TCTN2: variants seen among roughly 807,000 people sequenced by gnomAD.
TCTN2 encodes tectonic family member 2, also known as tectonic-2.
Under a neutral mutation model 83.4 loss-of-function variants are expected in TCTN2, and 66 were observed. That is an observed-to-expected ratio of 0.79 (90% confidence interval 0.65 to 0.97). TCTN2 has a LOEUF of 0.97. Ranked by LOEUF, TCTN2 falls within the 50% of genes least tolerant of loss-of-function variation. The pLI is 0.00. For missense variants in TCTN2, 794 were observed against 858.1 expected (o/e 0.93, Z 0.93); for synonymous variants, 301 against 326.7 (o/e 0.92, Z 0.85).
chr12:123,674,280 T>TC (rs112287181), intron 4 of TCTN2, among the ~76,000 whole-genome samples: 1,939 of 149,672 alleles, frequency 0.013, 40 homozygotes, highest in African/African-American at 0.044. Flanking sequence ...ATTCTCTCTC[T>TC]TTTTTTTTTG....
chr12:123,685,540 T>A (rs1369614800), intron 5 of TCTN2, among the ~76,000 whole-genome samples: 1 of 151,896 alleles, frequency 6.6e-6, no homozygotes, highest in African/African-American at 2.4e-5. Flanking sequence ...TGCCTCAGCC[T>A]CCCAAATAGC....
intron 14 of TCTN2, 142 bp downstream of exon 14, chr12:123,699,952 A>G (rs1233600098): frequency 1.4e-6 from 1 of 720,574 alleles, no homozygotes; most frequent in East Asian, 2.7e-5. Flanking sequence ...CAGGGGTTAG[A>G]TCTCCAGGCA....
chr12:123,704,813 ATG>A (rs1309614464), intron 15 of TCTN2, 125 bp downstream of exon 15: 20 of 989,320 alleles, frequency 2.0e-5, no homozygotes, highest in Non-Finnish European at 3.1e-5. Flanking sequence ...TATTAGCAAG[ATG>A]TTTATATGCA....
Position 123,704,528 on chromosome 12 carries a change from A to G in TCTN2, c.1613-4A>G, listed in dbSNP as rs1205619049. On this transcript the variant is annotated splice_polypyrimidine_tract_variant and splice_region_variant and intron_variant, in intron 14 of 17. Coordinates refer to ENST00000303372, the MANE Select transcript of TCTN2 (RefSeq NM_024809.5). ...GAAAAGTGTATAACTTAACATTTCTATAGGTGTAGATGCCCCTGATCCAGG... is the reference window on the plus strand; with the variant it reads ...GAAAAGTGTATAACTTAACATTTCTGTAGGTGTAGATGCCCCTGATCCAGG... The G allele has an allele frequency of 1.2e-6, 2 of 1,609,092 alleles. No individual in the cohort carries two copies. The highest frequency in any genetic ancestry group is 1.3e-5 in the African/African-American group (1 of 74,880).
Position 123,671,596 on chromosome 12 carries a change from G to C in TCTN2, c.172G>C (p.Val58Leu). The C allele has an allele frequency of 6.2e-7, 1 of 1,613,290 alleles. No homozygotes were observed. The highest frequency in any genetic ancestry group is 8.5e-7 in the Non-Finnish European group (1 of 1,179,986). ...DTEGVTVSLA[V>L]LQDEAGILPI... ...CGAGGGTGTGACCGTGTCCCTGGCA[G>C]TGCTGCAGGACGAGGCGGGTAAAGT... is the stretch of plus-strand genomic sequence containing the variant. Residue 58 changes from valine to leucine, a missense_variant, in exon 2 of 18, where the codon GTG becomes CTG. Val to Leu is a conservative substitution (Grantham distance 32). Transcript: ENST00000303372.
At chr12:123,705,665 A>G (rs1593870005) in intron 15 of TCTN2, among the ~76,000 whole-genome samples, 1 of 152,002 alleles carries the variant, frequency 6.6e-6, no homozygotes, top group South Asian at 2.1e-4. Context: ...TCCTCAAGAG[A>G]TGGCAAAGAT....
In TCTN2 at chr12:123,692,594, A is replaced by G; in HGVS notation, c.1034-64A>G. 2.3e-6 allele frequency: 3 copies of G among 1,308,060 alleles called. No individual in the cohort carries two copies. The Admixed American group carries it at 5.0e-5, about 22-fold the overall frequency. The allele number at this position is 1,308,060 out of a possible 1,614,324, so 81.0% of individuals were successfully genotyped here. On this transcript the variant is annotated intron_variant, in intron 8 of 17. Coordinates refer to ENST00000303372, the MANE Select transcript of TCTN2 (RefSeq NM_024809.5). ...TATTTGCTTTGTAAGCTATACTTTG[A>G]GTAAGTGTGATCATGGTAGGCCATG...
intron 15 of TCTN2, among the ~76,000 whole-genome samples, chr12:123,706,158 C>T (rs766835776): frequency 6.6e-6 from 1 of 152,160 alleles, no homozygotes; most frequent in South Asian, 2.1e-4. Flanking sequence ...ATGGACAGCT[C>T]TTATTGGCTA....
chr12:123,685,972 C>T (rs969449142), intron 5 of TCTN2, among the ~76,000 whole-genome samples: 2 of 151,418 alleles, frequency 1.3e-5, no homozygotes, highest in African/African-American at 4.9e-5. Context: ...CTCAAACATT[C>T]ATTCCACCTC....
In TCTN2 at chr12:123,699,781, A is replaced by T. The variant is rs1956150913; in HGVS notation, c.1583A>T (p.Asp528Val). 2 of 1,614,160 alleles carry T rather than the reference A, an allele frequency of 1.2e-6. No homozygotes were observed. The highest frequency in any genetic ancestry group is 1.7e-6 in the Non-Finnish European group (2 of 1,180,022). Residue 528 changes from aspartate (D) to valine (V), a missense_variant, in exon 14 of 18, where the codon GAT becomes GTT. Coordinates refer to ENST00000303372, the MANE Select transcript of TCTN2 (RefSeq NM_024809.5). ...VAMRGNSDYADLSDGWLEIIR... is the reference protein window; with the variant it reads ...VAMRGNSDYAVLSDGWLEIIR... ...ATGAGAGGCAACTCCGATTACGCTG[A>T]TCTTAGTGATGGCTGGCTCGAAATA...
At chr12:123,701,494 T>C (rs1956171739) in intron 14 of TCTN2, among the ~76,000 whole-genome samples, 1 of 151,912 alleles carries the variant, frequency 6.6e-6, no homozygotes, top group Non-Finnish European at 1.5e-5. Context: ...ATCCCAGCAC[T>C]TTGGGAGGCC....
In TCTN2 at chr12:123,697,141, A is replaced by G. The variant is rs766660963; in HGVS notation, c.1448A>G (p.Asn483Ser). Reference protein sequence around the residue: ...ATFKPILFGENVLSGCLLEVG... With the variant: ...ATFKPILFGESVLSGCLLEVG... The stretch of plus-strand genomic sequence containing the variant: ...TTCAAACCCATTTTATTTGGAGAAA[A>G]TGTACTCTCTGGATGCCTGTTAGAA... Residue 483 changes from asparagine to serine, a missense_variant, in exon 13 of 18, where the codon AAT becomes AGT. Transcript: ENST00000303372. The G allele has an allele frequency of 1.9e-6, 3 of 1,614,100 alleles. No individual in the cohort carries two copies. The Admixed American group carries it at 5.0e-5, about 27-fold the overall frequency.
chr12:123,704,278 T>G (rs1489447495), intron 14 of TCTN2, among the ~76,000 whole-genome samples: 2 of 152,168 alleles, frequency 1.3e-5, no homozygotes, highest in African/African-American at 4.8e-5. Flanking sequence ...GTGCTGGGAT[T>G]ACGGCGTTAG....
intron 5 of TCTN2, 31 bp from the exon 6 acceptor site, chr12:123,686,805 C>A: frequency 6.2e-7 from 1 of 1,611,232 alleles, no homozygotes; most frequent in Non-Finnish European, 8.5e-7. Flanking sequence ...TGACCACGGT[C>A]ACAGCTCCTG....
At chr12:123,690,897 G>C (rs1272703171) in intron 8 of TCTN2, among the ~76,000 whole-genome samples, 1 of 151,974 alleles carries the variant, frequency 6.6e-6, no homozygotes, top group African/African-American at 2.4e-5. Flanking sequence ...CTTTTTGTTT[G>C]TTTCTCCGTC....
At chr12:123,682,098 G>A (rs895972582) in intron 5 of TCTN2, among the ~76,000 whole-genome samples, 1 of 152,128 alleles carries the variant, frequency 6.6e-6, no homozygotes, top group African/African-American at 2.4e-5. Context: ...AGCTTCCCAA[G>A]TGGCTGGAAC....
intron 8 of TCTN2, among the ~76,000 whole-genome samples, chr12:123,691,134 G>T (rs1424370877): frequency 6.6e-6 from 1 of 152,130 alleles, no homozygotes. Flanking sequence ...CTCCCAAAGT[G>T]CTGGGATTAC....
At chr12:123,706,568 A>C (rs924906724) in intron 15 of TCTN2, among the ~76,000 whole-genome samples, 158 bp from the exon 16 acceptor site, 3 of 152,218 alleles carry the variant, frequency 2.0e-5, no homozygotes, top group Admixed American at 6.5e-5. Flanking sequence ...GAAATGGTCA[A>C]AGACCATGGA....
chr12:123,701,292 C>T (rs1357689266), intron 14 of TCTN2, among the ~76,000 whole-genome samples: 8 of 152,204 alleles, frequency 5.3e-5, no homozygotes, highest in Middle Eastern at 3.4e-3. Context: ...AGGATTTCTT[C>T]GCAGAGTGAT....
Sources: allele counts gnomAD v4.1 joint callset (sites outside exome capture counted in the v4.1 genomes callset), GRCh38; gene constraint gnomAD v4.1.1; transcripts MANE v1.5; gene names NCBI Gene and HGNC (gene_info 2026-07-23, HGNC 2026-07-21).